HPSE2: variants seen among roughly 807,000 people sequenced by gnomAD.
HPSE2 encodes the protein inactive heparanase-2.
In HPSE2, 38 loss-of-function variants were observed where a neutral mutation model predicts 60.5. That is an observed-to-expected ratio of 0.63 (90% CI 0.48 to 0.82). The LOEUF is 0.82. HPSE2 is among the 40% of genes least tolerant of loss of function. The probability of loss-of-function intolerance (pLI) is 0.00; values close to 1 mark genes in which losing one functional copy is unlikely to be tolerated. For synonymous variants in HPSE2, 295 were observed against 293.2 expected (o/e 1.01, Z -0.06); for missense variants, 713 against 740.4 (o/e 0.96, Z 0.43).
chr10:99,267,233 C>T, the HPSE2 span, among the ~76,000 whole-genome samples: 1 of 151,822 alleles, frequency 6.6e-6, no homozygotes, highest in Admixed American at 6.6e-5. Flanking sequence ...AGGTAACAAA[C>T]AAATGATACA....
chr10:98,894,689 T>A (rs1427194571), intron 3 of HPSE2, among the ~76,000 whole-genome samples: 1 of 151,266 alleles, frequency 6.6e-6, no homozygotes, highest in Admixed American at 6.6e-5. Context: ...TCAGAGAAAA[T>A]AATGAACAAT....
chr10:98,607,021 T>A (rs1589498040), intron 9 of HPSE2, among the ~76,000 whole-genome samples: 1 of 152,152 alleles, frequency 6.6e-6, no homozygotes, highest in South Asian at 2.1e-4. Context: ...GACATTTCTT[T>A]TTTTCCTCTT....
chr10:99,217,951 A>G (rs1207200309), intron 2 of HPSE2, among the ~76,000 whole-genome samples: 17 of 152,022 alleles, frequency 1.1e-4, no homozygotes, highest in Non-Finnish European at 1.5e-5. Flanking sequence ...CCACTGATTA[A>G]CTTCTATAAG....
At chr10:98,563,969 G>A (rs147468345) in intron 9 of HPSE2, among the ~76,000 whole-genome samples, 2 of 152,296 alleles carry the variant, frequency 1.3e-5, no homozygotes, top group African/African-American at 4.8e-5. Context: ...TTCTGTAACT[G>A]TAAAATGGAA....
At chr10:98,918,409 G>C (rs1464991314) in intron 3 of HPSE2, among the ~76,000 whole-genome samples, 2 of 151,698 alleles carry the variant, frequency 1.3e-5, no homozygotes, top group Non-Finnish European at 2.9e-5. Context: ...ATTCACAATA[G>C]CAAAGACTTG....
chr10:98,536,761 C>T lies in HPSE2; in HGVS notation c.1321-46565G>A, dbSNP rs780798918. Reference sequence around the variant, plus strand: ...ATGCTTCCTGGTGCTGACTCTGTACCAGGGACTGTGGTAGGCACTGGGATT... The same window carrying T: ...ATGCTTCCTGGTGCTGACTCTGTACTAGGGACTGTGGTAGGCACTGGGATT... On this transcript the variant is annotated intron_variant, in intron 9 of 11. Coordinates refer to ENST00000370552, the MANE Select transcript of HPSE2 (RefSeq NM_021828.5). Among the ~76,000 whole-genome samples, 8 of 152,220 alleles carry T rather than the reference C, an allele frequency of 5.3e-5. No individual in the cohort carries two copies. In the South Asian group the frequency reaches 1.0e-3, roughly 20 times the overall value.
intron 3 of HPSE2, among the ~76,000 whole-genome samples, chr10:98,985,542 A>G (rs1956321104): frequency 6.6e-6 from 1 of 152,210 alleles, no homozygotes; most frequent in South Asian, 2.1e-4. Context: ...AAAACATGCC[A>G]AATTGTAAAG....
At chr10:98,820,551 G>A (rs532038622) in intron 3 of HPSE2, among the ~76,000 whole-genome samples, 1 of 152,222 alleles carries the variant, frequency 6.6e-6, no homozygotes, top group South Asian at 2.1e-4. Flanking sequence ...CAGATCCCCT[G>A]GGCTAAAAAG....
intron 9 of HPSE2, among the ~76,000 whole-genome samples, chr10:98,490,736 A>C (rs1484754295): frequency 3.3e-5 from 5 of 152,244 alleles, no homozygotes; most frequent in African/African-American, 1.2e-4. Context: ...TTCCAGAGCC[A>C]GAAAGGCAAA....
chr10:98,937,569 A>C lies in HPSE2; in HGVS notation c.611-193513T>G, dbSNP rs1434520509. The stretch of plus-strand genomic sequence containing the variant: ...ACCATTGCCCAGGCTTTCTTAGGTA[A>C]ACAAAGCAGCCTGGAAGCTCGAACT... On this transcript the variant is annotated intron_variant, in intron 3 of 11. Transcript: ENST00000370552. Among the ~76,000 whole-genome samples the C allele has an allele frequency of 4.9e-5, 7 of 144,028 alleles. 2 individuals are homozygous for C. The highest frequency in any genetic ancestry group is 1.0e-4 in the Non-Finnish European group (7 of 67,112). 94.5% of individuals were successfully genotyped at this position (144,028 alleles called of 152,430 possible).
At chr10:99,152,824 T>G (rs999523438) in intron 2 of HPSE2, among the ~76,000 whole-genome samples, 1 of 152,202 alleles carries the variant, frequency 6.6e-6, no homozygotes. Context: ...GATTTCTGCA[T>G]TTCCATCTGA....
At chr10:98,872,196 C>T (rs866050805) in intron 3 of HPSE2, among the ~76,000 whole-genome samples, 1 of 152,060 alleles carries the variant, frequency 6.6e-6, no homozygotes, top group African/African-American at 2.4e-5. Context: ...GGCTTTTTCC[C>T]CTCACTAAGA....
At chr10:98,976,811 A>G (rs1444797745) in intron 3 of HPSE2, among the ~76,000 whole-genome samples, 2 of 152,186 alleles carry the variant, frequency 1.3e-5, no homozygotes, top group South Asian at 2.1e-4. Context: ...TTTGGAAAAA[A>G]TGGGCTTTGC....
intron 2 of HPSE2, among the ~76,000 whole-genome samples, chr10:99,174,281 AAAT>A (rs1847437538): frequency 6.6e-6 from 1 of 152,226 alleles, no homozygotes; most frequent in Non-Finnish European, 1.5e-5. Flanking sequence ...CACTTGGCAT[AAAT>A]AATATTCATT....
chr10:98,826,009 AT>A (rs1283542072), intron 3 of HPSE2, among the ~76,000 whole-genome samples: 1 of 152,208 alleles, frequency 6.6e-6, no homozygotes, highest in African/African-American at 2.4e-5. Context: ...CCTTAATTAA[AT>A]TCAGCTGTTA....
chr10:98,819,574 C>T (rs1951375982), intron 3 of HPSE2, among the ~76,000 whole-genome samples: 2 of 152,120 alleles, frequency 1.3e-5, no homozygotes, highest in Admixed American at 1.3e-4. Context: ...TAACTGACAA[C>T]AGTGAAAATT....
chr10:99,140,871 T>C (rs1845842081), intron 3 of HPSE2, among the ~76,000 whole-genome samples: 1 of 152,142 alleles, frequency 6.6e-6, no homozygotes, highest in Non-Finnish European at 1.5e-5. Flanking sequence ...ACCCCATCTC[T>C]ACTAAAAATA....
chr10:98,887,685 A>G (rs144593616), intron 3 of HPSE2, among the ~76,000 whole-genome samples: 14 of 152,084 alleles, frequency 9.2e-5, no homozygotes, highest in African/African-American at 3.4e-4. Flanking sequence ...ACATAATGCA[A>G]TATTAAAGAC....
chr10:99,056,422 G>A (rs1209427410), intron 3 of HPSE2, among the ~76,000 whole-genome samples: 2 of 152,074 alleles, frequency 1.3e-5, no homozygotes, highest in African/African-American at 4.8e-5. Context: ...AAATAAAGGA[G>A]AAAAGAATGC....
Sources: gnomAD v4.1 joint callset for allele counts (sites outside exome capture counted in the v4.1 genomes callset) on GRCh38, gnomAD v4.1.1 for gene constraint, MANE v1.5 for transcripts, NCBI Gene and HGNC (gene_info 2026-07-23, HGNC 2026-07-21) for gene names.